Variants in LUZP2 observed in about 807,000 individuals in gnomAD.
LUZP2 encodes the protein leucine zipper protein 2.
Under a neutral mutation model 51.6 loss-of-function variants are expected in LUZP2, and 52 were observed. The observed-to-expected ratio is 1.01, with a 90% CI of 0.81 to 1.27. The LOEUF (loss-of-function observed/expected upper bound fraction) is 1.27. Ranked by LOEUF, LUZP2 falls within the 50% of genes most tolerant of loss-of-function variation. The pLI, the probability that LUZP2 is intolerant of heterozygous loss-of-function variation, is 0.00. For missense variants in LUZP2, 436 were observed against 395.4 expected, an observed-to-expected ratio of 1.10 and a Z score of -0.87; for synonymous variants, 154 against 137.3, an observed-to-expected ratio of 1.12 and a Z score of -0.85.
At chr11:24,799,197 C>A (rs528516229) in intron 5 of LUZP2, among the ~76,000 whole-genome samples, 1 of 152,176 alleles carries the variant, frequency 6.6e-6, no homozygotes, top group Non-Finnish European at 1.5e-5. Flanking sequence ...GACATGAGCT[C>A]GTTCAGTTAT....
chr11:24,757,224 A>C (rs1859809464), intron 4 of LUZP2, among the ~76,000 whole-genome samples: 1 of 152,186 alleles, frequency 6.6e-6, no homozygotes, highest in Admixed American at 6.5e-5. Flanking sequence ...TACCACACCC[A>C]GTAGATTTAC....
intron 10 of LUZP2, among the ~76,000 whole-genome samples, chr11:25,075,375 CCATA>C (rs1383116029): frequency 6.6e-6 from 1 of 152,014 alleles, no homozygotes; most frequent in Non-Finnish European, 1.5e-5. Flanking sequence ...CTAAATGTGG[CCATA>C]CAAAGAAAGC....
intron 1 of LUZP2, among the ~76,000 whole-genome samples, chr11:24,705,672 G>T (rs916557377): frequency 6.6e-6 from 1 of 152,132 alleles, no homozygotes; most frequent in African/African-American, 2.4e-5. Context: ...TATTGCAAAT[G>T]ACCTCTGCTA....
chr11:24,601,941 TATATGTATAA>T (rs1853666130), intron 1 of LUZP2, among the ~76,000 whole-genome samples: 1 of 139,514 alleles, frequency 7.2e-6, no homozygotes, highest in African/African-American at 2.7e-5. Flanking sequence ...TATATATGTA[TATATGTATAA>T]ATGTATATAT....
At chr11:24,658,659 T>A in intron 1 of LUZP2, among the ~76,000 whole-genome samples, 1 of 151,954 alleles carries the variant, frequency 6.6e-6, no homozygotes, top group East Asian at 1.9e-4. Flanking sequence ...GGGAGAAAAT[T>A]TTTGCAATCT....
chr11:24,865,025 A>T (rs1013546158), intron 5 of LUZP2, among the ~76,000 whole-genome samples: 1 of 152,180 alleles, frequency 6.6e-6, no homozygotes, highest in African/African-American at 2.4e-5. Context: ...CTCTTATTCT[A>T]CGTTTATTAC....
intron 1 of LUZP2, among the ~76,000 whole-genome samples, chr11:24,584,409 T>A (rs1852986427): frequency 6.6e-6 from 1 of 152,282 alleles, no homozygotes; most frequent in Non-Finnish European, 1.5e-5. Context: ...TGTGCTGAAA[T>A]TGTCAACCAT....
chr11:24,668,088 G>A (rs1856276204), intron 1 of LUZP2, among the ~76,000 whole-genome samples: 1 of 152,200 alleles, frequency 6.6e-6, no homozygotes, highest in African/African-American at 2.4e-5. Context: ...AGTTCACAGT[G>A]CAAGTTTGAT....
Position 25,078,856 on chromosome 11 carries a change from C to A in LUZP2, c.*198C>A, listed in dbSNP as rs573955837. The A allele has an allele frequency of 9.3e-5, 46 of 497,030 alleles. No individual in the cohort carries two copies. The highest frequency in any genetic ancestry group is 1.4e-4 in the Non-Finnish European group (40 of 286,288). 30.8% of individuals were successfully genotyped at this position (497,030 alleles called of 1,614,324 possible). On this transcript the variant is annotated 3_prime_UTR_variant, in exon 12 of 12. Coordinates refer to ENST00000336930, the MANE Select transcript of LUZP2 (RefSeq NM_001009909.4). Reference sequence around the variant, plus strand: ...AGCAATAACCTCATTGAATTGAATACCCACAGTCAGAAATATTTTGTTGTC... The same window carrying A: ...AGCAATAACCTCATTGAATTGAATAACCACAGTCAGAAATATTTTGTTGTC...
At chr11:24,621,562 C>T (rs1854495950) in intron 1 of LUZP2, among the ~76,000 whole-genome samples, 2 of 152,142 alleles carry the variant, frequency 1.3e-5, no homozygotes, top group Admixed American at 6.5e-5. Context: ...TCACTGAATT[C>T]CTAAATTCTC....
At chr11:24,708,237 C>T (rs7395506) in intron 1 of LUZP2, among the ~76,000 whole-genome samples, 77,085 of 151,988 alleles carry the variant, frequency 0.51, 20,351 homozygotes, top group East Asian at 0.97. Context: ...GAATATTCTT[C>T]CCTCAGCCTA....
At chr11:24,530,467 C>T (rs7931640) in intron 1 of LUZP2, among the ~76,000 whole-genome samples, 120,819 of 150,618 alleles carry the variant, frequency 0.8, 48,993 homozygotes, top group African/African-American at 0.92. Flanking sequence ...AATGTTATAT[C>T]TTCTATAGTA....
At chr11:24,785,759 T>C in intron 5 of LUZP2, 1 of 493,274 alleles carries the variant, frequency 2.0e-6, no homozygotes, top group Non-Finnish European at 2.6e-6. Flanking sequence ...TTATATAAAC[T>C]GTTAGAGACA....
At chr11:24,892,976 T>C (rs1852904275) in intron 5 of LUZP2, 1 of 152,170 alleles carries the variant, frequency 6.6e-6, no homozygotes, top group Admixed American at 6.6e-5. Context: ...AAAATGTACA[T>C]CACCTAACTT....
At chr11:24,643,254 C>CAAAAAAAAAAAAAAAAAAAAA (rs570616833) in intron 1 of LUZP2, among the ~76,000 whole-genome samples, 1 of 75,724 alleles carries the variant, frequency 1.3e-5, no homozygotes. Context: ...ACTAAAAGTA[C>CAAAAAAAAAAAAAAAAAAAAA]AAAAAAAAAA....
intron 9 of LUZP2, among the ~76,000 whole-genome samples, chr11:25,019,196 A>AT (rs1376804249): frequency 1.3e-5 from 2 of 152,172 alleles, no homozygotes; most frequent in Non-Finnish European, 2.9e-5. Context: ...ATAGTATCAT[A>AT]TAGAATTTAT....
intron 5 of LUZP2, among the ~76,000 whole-genome samples, chr11:24,905,164 T>C (rs948031319): frequency 6.6e-6 from 1 of 152,172 alleles, no homozygotes; most frequent in Admixed American, 6.5e-5. Context: ...GATGTAAGAA[T>C]AGTAGGGTAC....
intron 1 of LUZP2, among the ~76,000 whole-genome samples, chr11:24,677,151 G>A (rs1232065642): frequency 6.6e-6 from 1 of 151,982 alleles, no homozygotes; most frequent in African/African-American, 2.4e-5. Context: ...CAATTGTTAT[G>A]AAAATCTCCA....
intron 5 of LUZP2, among the ~76,000 whole-genome samples, chr11:24,857,282 TATATATACATATATATATATAC>T (rs766938072): frequency 0.077 from 6,854 of 89,444 alleles, 224 homozygotes; most frequent in Non-Finnish European, 0.098. Context: ...GATATATATA[TATATATACATATATATATATAC>T]ATATATATAC....
Sources: allele counts gnomAD v4.1 joint callset (sites outside exome capture counted in the v4.1 genomes callset), GRCh38; gene constraint gnomAD v4.1.1; transcripts MANE v1.5; gene names NCBI Gene and HGNC (gene_info 2026-07-23, HGNC 2026-07-21).